The following MAGI3 variants were observed in gnomAD, a reference collection of about 807,000 sequenced individuals.
The protein encoded by MAGI3 is membrane-associated guanylate kinase, WW and PDZ domain-containing protein 3.
MAGI3 carries 43 observed loss-of-function variants against 121.8 expected under a neutral mutation model. The observed-to-expected ratio is 0.35, with a 90% CI of 0.28 to 0.46. The LOEUF is 0.46. MAGI3 is among the 20% of genes least tolerant of loss of function. MAGI3 has a pLI of 1.00. For synonymous variants in MAGI3, 553 were observed against 639.3 expected, an observed-to-expected ratio of 0.86 and a Z score of 2.04; for missense variants, 1,547 against 1,797.3, an observed-to-expected ratio of 0.86 and a Z score of 2.52.
intron 1 of MAGI3, among the ~76,000 whole-genome samples, chr1:113,416,057 C>T (rs543045172): frequency 1.7e-3 from 243 of 146,896 alleles, no homozygotes; most frequent in African/African-American, 5.9e-3. Flanking sequence ...ATTAATGACA[C>T]ATATTAATTA....
At chr1:113,403,745 T>C (rs1651530267) in intron 1 of MAGI3, 1 of 152,208 alleles carries the variant, frequency 6.6e-6, no homozygotes, top group East Asian at 1.9e-4. Context: ...GGCTCTGCTT[T>C]ACTTCTGCCT....
rs565471315 is a variant in MAGI3 at position 113,390,665 on chromosome 1, C to G, written c.-369C>G. ...CTTCCCCCTTCACCTCCCCGCCCCC[C>G]CGCCTCAGCCTTTCCCGCCGCTCGG... is the stretch of plus-strand genomic sequence containing the variant. On this transcript the variant is annotated 5_prime_UTR_variant, in exon 1 of 21. Coordinates refer to ENST00000307546, the MANE Select transcript of MAGI3 (RefSeq NM_001142782.2). The G allele has an allele frequency of 6.5e-6, 1 of 154,804 alleles. No individual in the cohort carries two copies. Among genetic ancestry groups the G allele is most frequent in the African/African-American group, 2.4e-5 (1 of 41,658 alleles). The allele number at this position is 154,804 out of a possible 1,614,324, so 9.6% of individuals were successfully genotyped here. A position where few individuals can be genotyped will look rare whatever the true frequency, so the allele number is the denominator to read the frequency against.
At position 113,490,349 on chromosome 1, in the gene MAGI3, A is replaced by T. The variant is rs114457419; in HGVS notation, c.317-59166A>T. 7.5e-3 allele frequency among the ~76,000 whole-genome samples: 1,144 copies of T among 152,334 alleles called. 15 individuals carry two copies. The highest frequency in any genetic ancestry group is 0.026 in the African/African-American group (1,097 of 41,572). On this transcript the variant is annotated intron_variant, in intron 1 of 20. Coordinates refer to ENST00000307546, the MANE Select transcript of MAGI3 (RefSeq NM_001142782.2). The stretch of plus-strand genomic sequence containing the variant: ...CAAGCAAATGCTGAGAGAATTCATT[A>T]CTACCAGACCTGCCTTACAAGAGCC...
At chr1:113,546,004 T>C (rs1460453416) in intron 1 of MAGI3, among the ~76,000 whole-genome samples, 1 of 152,168 alleles carries the variant, frequency 6.6e-6, no homozygotes, top group Non-Finnish European at 1.5e-5. Context: ...TCTGAGTTAA[T>C]GTGTCTGTTG....
In MAGI3 at chr1:113,391,874, A is replaced by T. The variant is rs1369694336; in HGVS notation, c.316+525A>T. Among the ~76,000 whole-genome samples the T allele has an allele frequency of 2.0e-5, 3 of 152,234 alleles. No homozygotes were observed. Among genetic ancestry groups the T allele is most frequent in the Non-Finnish European group, 4.4e-5 (3 of 68,044 alleles). On this transcript the variant is annotated intron_variant, in intron 1 of 20. Coordinates refer to ENST00000307546, the MANE Select transcript of MAGI3 (RefSeq NM_001142782.2). The surrounding 1 kb of genome is among the most constrained non-coding windows in gnomAD (Gnocchi z 4.4). Reference sequence around the variant, plus strand: ...TCAGAGCTGACAGCCTAACTCTGTCAGTCCAGGTGGTTCAGGTGTCTGAGT... The same window carrying T: ...TCAGAGCTGACAGCCTAACTCTGTCTGTCCAGGTGGTTCAGGTGTCTGAGT...
intron 1 of MAGI3, among the ~76,000 whole-genome samples, chr1:113,503,549 A>G (rs971292925): frequency 3.3e-5 from 5 of 152,058 alleles, no homozygotes; most frequent in Non-Finnish European, 7.4e-5. Flanking sequence ...ATAGTCACAT[A>G]TATGCACATA....
intron 1 of MAGI3, among the ~76,000 whole-genome samples, chr1:113,467,642 C>T (rs1655354691): frequency 6.6e-6 from 1 of 152,154 alleles, no homozygotes; most frequent in Non-Finnish European, 1.5e-5. Context: ...GAGTGATCCT[C>T]CTGCCTCAGC....
intron 16 of MAGI3, 100 bp downstream of exon 16, chr1:113,659,365 G>T: frequency 2.7e-6 from 3 of 1,105,120 alleles, no homozygotes; most frequent in Non-Finnish European, 3.9e-6. Context: ...TCACTGCGGG[G>T]ATATAACTGT....
At position 113,418,639 on chromosome 1, in the gene MAGI3, G is replaced by A. The variant is rs375112802; in HGVS notation, c.316+27290G>A. On this transcript the variant is annotated intron_variant, in intron 1 of 20. Coordinates refer to ENST00000307546, the MANE Select transcript of MAGI3 (RefSeq NM_001142782.2). ...GCCATCTTCTTACACAAGATGGAAA[G>A]CACATGGAGTTTGAGGACCATTTCT... Among the ~76,000 whole-genome samples the A allele has an allele frequency of 1.7e-3, 258 of 152,140 alleles. 6 individuals are homozygous for A. In the South Asian group the frequency reaches 0.045, roughly 27 times the overall value.
intron 6 of MAGI3, among the ~76,000 whole-genome samples, chr1:113,608,076 C>G (rs1485818148): frequency 2.0e-5 from 3 of 152,154 alleles, no homozygotes; most frequent in Non-Finnish European, 4.4e-5. Context: ...GTCCTCTCCT[C>G]TGTGCTCAGT....
chr1:113,533,191 GTC>G (rs954285413), intron 1 of MAGI3, among the ~76,000 whole-genome samples: 2 of 152,060 alleles, frequency 1.3e-5, no homozygotes, highest in East Asian at 3.9e-4. Flanking sequence ...CTTGTTTCGT[GTC>G]TCTCTGAAGA....
chr1:113,549,694 C>T (rs1376922069), intron 2 of MAGI3, 63 bp downstream of exon 2: 1 of 814,150 alleles, frequency 1.2e-6, no homozygotes, highest in Non-Finnish European at 1.9e-6. Flanking sequence ...AATTAAACAT[C>T]TACAGATAGT....
intron 9 of MAGI3, among the ~76,000 whole-genome samples, chr1:113,627,941 T>C (rs1191828481): frequency 1.3e-5 from 2 of 152,098 alleles, no homozygotes; most frequent in Non-Finnish European, 2.9e-5. Context: ...TTCTAGGCAA[T>C]AGATCATCAG....
intron 5 of MAGI3, among the ~76,000 whole-genome samples, chr1:113,590,917 A>G (rs894503876): frequency 1.3e-5 from 2 of 152,132 alleles, no homozygotes; most frequent in African/African-American, 4.8e-5. Context: ...ACAGTTCACG[A>G]ATGGTGAAAA....
chr1:113,563,123 T>G (rs1660306786), intron 2 of MAGI3, among the ~76,000 whole-genome samples: 1 of 152,246 alleles, frequency 6.6e-6, no homozygotes, highest in Non-Finnish European at 1.5e-5. Flanking sequence ...TAATACATTA[T>G]GATCAAGTGG....
At chr1:113,519,874 A>G (rs1433865126) in intron 1 of MAGI3, among the ~76,000 whole-genome samples, 1 of 152,260 alleles carries the variant, frequency 6.6e-6, no homozygotes, top group East Asian at 1.9e-4. Context: ...TATTCTTATC[A>G]GGGAATAGTA....
chr1:113,672,194 G>A (rs567817224), intron 17 of MAGI3, among the ~76,000 whole-genome samples: 32 of 152,346 alleles, frequency 2.1e-4, no homozygotes, highest in Admixed American at 1.0e-3. Flanking sequence ...CAGACCACCT[G>A]AGCAGAGCAG....
chr1:113,638,513 C>T (rs954762527), intron 9 of MAGI3, among the ~76,000 whole-genome samples: 48 of 152,248 alleles, frequency 3.2e-4, no homozygotes, highest in Admixed American at 5.2e-4. Flanking sequence ...CCTGTTTGCC[C>T]GGGTACCAGC....
At chr1:113,480,788 G>T (rs1656073923) in intron 1 of MAGI3, among the ~76,000 whole-genome samples, 1 of 152,010 alleles carries the variant, frequency 6.6e-6, no homozygotes, top group Admixed American at 6.6e-5. Context: ...TGTTCAAATT[G>T]ATGTTTCTAT....
Sources: gnomAD v4.1 joint callset for allele counts (sites outside exome capture counted in the v4.1 genomes callset) on GRCh38, gnomAD v4.1.1 for gene constraint, Gnocchi (gnomAD v3.1) non-coding constraint, MANE v1.5 for transcripts, NCBI Gene and HGNC (gene_info 2026-07-23, HGNC 2026-07-21) for gene names.